Variants in ENO4 observed in about 807,000 individuals in gnomAD.
The protein encoded by ENO4 is enolase 4, also known as 2-phospho-D-glycerate hydro-lyase.
Under a neutral mutation model 63.2 loss-of-function variants are expected in ENO4, and 53 were observed. The ratio of observed to expected loss-of-function variants is 0.84; its 90% CI spans 0.67 to 1.05. The LOEUF (loss-of-function observed/expected upper bound fraction) is 1.05, where lower values mean the gene tolerates loss of function less well. ENO4 is among the 50% of genes least tolerant of loss of function. The pLI is 0.00. For missense variants in ENO4, 719 were observed against 772.0 expected (o/e 0.93, Z 0.81); for synonymous variants, 266 against 283.8 (o/e 0.94, Z 0.63).
At chr10:116,911,152 T>G (rs906362125) in intron 10 of ENO4, among the ~76,000 whole-genome samples, 3 of 152,210 alleles carry the variant, frequency 2.0e-5, no homozygotes, top group African/African-American at 7.2e-5. Flanking sequence ...GGCATCTGTC[T>G]CTAACAGCAA....
chr10:116,887,689 T>C (rs1461952204), intron 10 of ENO4, among the ~76,000 whole-genome samples: 1 of 152,222 alleles, frequency 6.6e-6, no homozygotes, highest in Admixed American at 6.5e-5. Context: ...AATTGTTTCC[T>C]GTCTGTCTCT....
intron 8 of ENO4, among the ~76,000 whole-genome samples, chr10:116,870,502 G>A (rs1221147831): frequency 6.6e-6 from 1 of 152,134 alleles, no homozygotes; most frequent in African/African-American, 2.4e-5. Context: ...ATAGCCAGGT[G>A]TGGTGGCACA....
At chr10:116,910,651 C>G (rs1848156042) in intron 10 of ENO4, among the ~76,000 whole-genome samples, 1 of 152,042 alleles carries the variant, frequency 6.6e-6, no homozygotes, top group African/African-American at 2.4e-5. Context: ...GAACTGTGCC[C>G]CAGAGGACAT....
intron 13 of ENO4, among the ~76,000 whole-genome samples, chr10:116,880,998 C>G (rs891105619): frequency 2.0e-5 from 3 of 152,178 alleles, no homozygotes; most frequent in Admixed American, 2.0e-4. Flanking sequence ...ATTTCTCTGA[C>G]ACTGGCCTTG....
At chr10:116,896,856 G>C (rs1309780148) in intron 10 of ENO4, among the ~76,000 whole-genome samples, 1 of 150,752 alleles carries the variant, frequency 6.6e-6, no homozygotes, top group Admixed American at 6.6e-5. Flanking sequence ...CCCAGGCTGG[G>C]AGTGCAGTGG....
intron 7 of ENO4, among the ~76,000 whole-genome samples, chr10:116,867,683 GT>G (rs1198115597): frequency 6.6e-6 from 1 of 152,106 alleles, no homozygotes; most frequent in African/African-American, 2.4e-5. Context: ...GTCACAGGTT[GT>G]TTTTTTCCCT....
chr10:116,871,232 A>G lies in ENO4; in HGVS notation c.1155A>G (p.Leu385=). The G allele has an allele frequency of 6.4e-7, 1 of 1,550,532 alleles. No individual in the cohort carries two copies. Among genetic ancestry groups the G allele is most frequent in the Non-Finnish European group, 8.7e-7 (1 of 1,146,980 alleles). The change falls in exon 9 of 14, where the codon CTA becomes CTG. Residue 385 remains leucine (L), a synonymous_variant. Coordinates refer to ENST00000341276, the MANE Select transcript of ENO4 (RefSeq NM_001242699.2). ...AGGAAATCTGTGCCAACCTGGGGCT[A>G]GAACTGGGAACAAATCTGCATCTAG... The part of the protein sequence containing the change: ...LIQEICANLG[L]ELGTNLHLAI...
At chr10:116,876,722 C>T (rs778989092) in intron 11 of ENO4, among the ~76,000 whole-genome samples, 27 of 152,042 alleles carry the variant, frequency 1.8e-4, no homozygotes, top group Non-Finnish European at 3.2e-4. Context: ...AGGCTGAGGC[C>T]GGCGGATCAC....
intron 3 of ENO4, among the ~76,000 whole-genome samples, chr10:116,857,383 C>T (rs1350702805): frequency 6.6e-6 from 1 of 152,162 alleles, no homozygotes. Flanking sequence ...CCAGCCACAA[C>T]TAAGTCTCCC....
At chr10:116,875,561 T>TCA (rs56000218) in intron 10 of ENO4, among the ~76,000 whole-genome samples, 95 of 148,014 alleles carry the variant, frequency 6.4e-4, no homozygotes, top group African/African-American at 1.5e-3. Flanking sequence ...TCCAGGCTGG[T>TCA]CACACACACA....
In ENO4 at chr10:116,876,062, C is replaced by T; in HGVS notation, c.1342-3C>T. On this transcript the variant is annotated splice_polypyrimidine_tract_variant and splice_region_variant and intron_variant, in intron 10 of 13. Coordinates refer to ENST00000341276, the MANE Select transcript of ENO4 (RefSeq NM_001242699.2). ...AATGATCAACTCTTAAATATTTACCCAGGACTCTGAACAGTGGGACAGCAT... is the reference window on the plus strand; with the variant it reads ...AATGATCAACTCTTAAATATTTACCTAGGACTCTGAACAGTGGGACAGCAT... 2.0e-6 allele frequency: 3 copies of T among 1,525,760 alleles called. No individual in the cohort carries two copies. The highest frequency in any genetic ancestry group is 1.8e-6 in the Non-Finnish European group (2 of 1,137,180). The allele number at this position is 1,525,760 out of a possible 1,614,324, so 94.5% of individuals were successfully genotyped here. A position where few individuals can be genotyped will look rare whatever the true frequency, so the allele number is the denominator to read the frequency against.
At chr10:116,881,369 C>G in intron 13 of ENO4, 146 bp from the exon 14 acceptor site, 1 of 593,344 alleles carries the variant, frequency 1.7e-6, no homozygotes. Flanking sequence ...CAAAGATACG[C>G]CCAGTTGTAA....
At chr10:116,911,920 A>G (rs1206679468), downstream of ENO4, 1 of 1,008,778 alleles carries the variant, frequency 9.9e-7, no homozygotes, top group African/African-American at 1.6e-5. Context: ...TACATGGCAA[A>G]CTATTAGTAG....
At chr10:116,858,962 T>C in intron 3 of ENO4, 28 bp from the exon 4 acceptor site, 5 of 1,471,322 alleles carry the variant, frequency 3.4e-6, no homozygotes, top group Non-Finnish European at 4.6e-6. Flanking sequence ...AATATCCCAC[T>C]GTAAAGCCAT....
chr10:116,911,339 G>T (rs893519139), intron 10 of ENO4, among the ~76,000 whole-genome samples: 4 of 152,138 alleles, frequency 2.6e-5, no homozygotes, highest in Admixed American at 6.5e-5. Context: ...TAATTGTTTC[G>T]ACTGTGAGGA....
At chr10:116,871,719 TA>T (rs1846699478) in intron 9 of ENO4, among the ~76,000 whole-genome samples, 1 of 152,190 alleles carries the variant, frequency 6.6e-6, no homozygotes, top group Non-Finnish European at 1.5e-5. Flanking sequence ...TTTTTAAATA[TA>T]AAAATTTTTC....
chr10:116,885,373 G>T (rs1589771292), downstream of ENO4: 1 of 151,664 alleles, frequency 6.6e-6, no homozygotes, highest in East Asian at 1.9e-4. Flanking sequence ...TTTAATCCCT[G>T]ATTACATTTC....
In ENO4 at chr10:116,868,605, A is replaced by G. The variant is rs774729350; in HGVS notation, c.991-45A>G. ...GTAAGCTTTGCTTGCTGCCACAGCCATGCTAAAAATTCCAGGTGATACATT... is the reference window on the plus strand; with the variant it reads ...GTAAGCTTTGCTTGCTGCCACAGCCGTGCTAAAAATTCCAGGTGATACATT... On this transcript the variant is annotated intron_variant, in intron 7 of 13. Transcript: ENST00000341276. The G allele has an allele frequency of 2.0e-6, 3 of 1,517,956 alleles. No individual in the cohort carries two copies. In the East Asian group the frequency reaches 7.4e-5, roughly 37 times the overall value. 94.0% of individuals were successfully genotyped at this position (1,517,956 alleles called of 1,614,324 possible).
chr10:116,888,350 G>C (rs764158218), intron 10 of ENO4, among the ~76,000 whole-genome samples: 6 of 152,164 alleles, frequency 3.9e-5, no homozygotes, highest in African/African-American at 7.2e-5. Flanking sequence ...CCTGTGATGG[G>C]AGAAGCAGAA....
Sources: gnomAD v4.1 joint callset for allele counts (sites outside exome capture counted in the v4.1 genomes callset) on GRCh38, gnomAD v4.1.1 for gene constraint, MANE v1.5 for transcripts, NCBI Gene and HGNC (gene_info 2026-07-23, HGNC 2026-07-21) for gene names.